KAZN: variants seen among roughly 807,000 people sequenced by gnomAD.
KAZN encodes the protein kazrin, periplakin interacting protein.
Under a neutral mutation model 87.4 loss-of-function variants are expected in KAZN, and 40 were observed. The observed-to-expected ratio is 0.46, with a 90% CI of 0.36 to 0.60. The LOEUF (loss-of-function observed/expected upper bound fraction) is 0.60. Among genes scored for constraint, KAZN ranks in the 20% least tolerant of loss-of-function variants. The pLI is 0.00. For missense variants in KAZN, 898 were observed against 1,073.9 expected (o/e 0.84, Z 2.29); for synonymous variants, 466 against 458.3 (o/e 1.02, Z -0.22).
At chr1:15,010,394 T>G (rs967135806) in intron 2 of KAZN, among the ~76,000 whole-genome samples, 6 of 146,206 alleles carry the variant, frequency 4.1e-5, no homozygotes, top group Non-Finnish European at 7.5e-5. Context: ...TGCTTTTTTT[T>G]TTTTTTTTTT....
intron 2 of KAZN, among the ~76,000 whole-genome samples, chr1:14,329,844 G>C (rs1656717606): frequency 6.6e-6 from 1 of 152,228 alleles, no homozygotes; most frequent in South Asian, 2.1e-4. Context: ...TGCTCAGTAA[G>C]TGTTGGTCCC....
At chr1:14,413,374 A>C (rs961329098) in intron 2 of KAZN, among the ~76,000 whole-genome samples, 30 of 151,898 alleles carry the variant, frequency 2.0e-4, no homozygotes, top group African/African-American at 6.8e-4. Flanking sequence ...GCGGATCACG[A>C]GGTCAGGAGA....
rs141789181 is a variant in KAZN at position 14,367,169 on chromosome 1, C to CA, written c.249+186578dup. On this transcript the variant is annotated intron_variant, in intron 2 of 16. Transcript: ENST00000636203. ...GCTTGAACACAGGAGGCGGAGGTTG[C>CA]AGTGAACTAAGATCACACCACTGCA... is the stretch of plus-strand genomic sequence containing the variant. Among the ~76,000 whole-genome samples the CA allele has an allele frequency of 7.1e-3, 1,086 of 152,274 alleles. 12 individuals are homozygous for CA. The highest frequency in any genetic ancestry group is 0.025 in the African/African-American group (1,042 of 41,546).
intron 2 of KAZN, among the ~76,000 whole-genome samples, chr1:14,283,289 G>T (rs1652991288): frequency 6.6e-6 from 1 of 152,094 alleles, no homozygotes; most frequent in Non-Finnish European, 1.5e-5. Context: ...CTGAACTCCT[G>T]CTTGTCACAG....
At chr1:14,008,741 A>G (rs1640147347) in intron 1 of KAZN, among the ~76,000 whole-genome samples, 2 of 152,164 alleles carry the variant, frequency 1.3e-5, no homozygotes, top group Non-Finnish European at 2.9e-5. Context: ...GTGCTATTCT[A>G]AGTGCTACAC....
intron 2 of KAZN, among the ~76,000 whole-genome samples, chr1:14,262,494 T>C (rs1473674272): frequency 1.3e-5 from 2 of 152,218 alleles, no homozygotes; most frequent in African/African-American, 2.4e-5. Flanking sequence ...CCACTTCACC[T>C]CTACTTACTT....
At chr1:14,597,960 T>C (rs1442327429), upstream of KAZN, among the ~76,000 whole-genome samples, 2 of 152,098 alleles carry the variant, frequency 1.3e-5, no homozygotes, top group African/African-American at 2.4e-5. Flanking sequence ...CTGCTCCCAG[T>C]AGAAGAAAGG....
chr1:13,958,631 AGATCAG>A (rs1641640430), intron 1 of KAZN, among the ~76,000 whole-genome samples: 3 of 152,002 alleles, frequency 2.0e-5, no homozygotes, highest in Admixed American at 6.6e-5. Context: ...TTTGAAGGGC[AGATCAG>A]GGAAGGCTTC....
intron 1 of KAZN, among the ~76,000 whole-genome samples, chr1:14,738,151 C>T (rs1158140304): frequency 6.6e-6 from 1 of 152,172 alleles, no homozygotes. Flanking sequence ...ATGCACCCAG[C>T]TCCATGTGAT....
At chr1:14,841,234 T>C (rs1261047054) in intron 1 of KAZN, among the ~76,000 whole-genome samples, 1 of 151,360 alleles carries the variant, frequency 6.6e-6, no homozygotes, top group Non-Finnish European at 1.5e-5. Flanking sequence ...TGAAACCCCG[T>C]CTCTACTAAA....
At chr1:14,822,168 C>T (rs1184986211) in intron 1 of KAZN, among the ~76,000 whole-genome samples, 6 of 152,192 alleles carry the variant, frequency 3.9e-5, no homozygotes, top group Non-Finnish European at 4.4e-5. Flanking sequence ...ACAAAGCTTT[C>T]GTCCCAGCCA....
At chr1:14,123,023 T>G (rs544672178) in intron 1 of KAZN, among the ~76,000 whole-genome samples, 1 of 152,322 alleles carries the variant, frequency 6.6e-6, no homozygotes, top group East Asian at 1.9e-4. Context: ...GAGATAATTT[T>G]AAAATCCAGA....
intron 1 of KAZN, among the ~76,000 whole-genome samples, chr1:14,752,785 G>A (rs1644448359): frequency 6.6e-6 from 1 of 152,106 alleles, no homozygotes; most frequent in African/African-American, 2.4e-5. Flanking sequence ...GCCAAAACCA[G>A]CGCTTAGTTT....
At chr1:15,092,411 G>A (rs1268143608) in intron 8 of KAZN, among the ~76,000 whole-genome samples, 1 of 151,958 alleles carries the variant, frequency 6.6e-6, no homozygotes, top group African/African-American at 2.4e-5. Context: ...TGTTTCTCAT[G>A]GTATTGAGTT....
chr1:13,923,893 G>GTAACTAT (rs1557723526), intron 1 of KAZN, among the ~76,000 whole-genome samples: 1 of 152,164 alleles, frequency 6.6e-6, no homozygotes, highest in Non-Finnish European at 1.5e-5. Flanking sequence ...TAAATCCTAG[G>GTAACTAT]ATTTGCTGAT....
At chr1:14,558,744 C>T (rs546942712) in intron 2 of KAZN, among the ~76,000 whole-genome samples, 5 of 152,212 alleles carry the variant, frequency 3.3e-5, no homozygotes, top group Admixed American at 2.6e-4. Flanking sequence ...GGCTTTGATC[C>T]GCAGTTGTCT....
intron 2 of KAZN, among the ~76,000 whole-genome samples, chr1:14,266,169 G>A (rs1651460169): frequency 6.6e-6 from 1 of 152,208 alleles, no homozygotes; most frequent in Admixed American, 6.5e-5. Flanking sequence ...ATAACTCTAT[G>A]TGTCTTTACC....
intron 2 of KAZN, among the ~76,000 whole-genome samples, chr1:14,505,629 G>A (rs1670541584): frequency 6.6e-6 from 1 of 152,168 alleles, no homozygotes; most frequent in Non-Finnish European, 1.5e-5. Flanking sequence ...TCCAGCAGGA[G>A]GGGAGAATGA....
chr1:14,310,347 A>C (rs902549765), intron 2 of KAZN, among the ~76,000 whole-genome samples: 8 of 152,202 alleles, frequency 5.3e-5, no homozygotes, highest in African/African-American at 1.9e-4. Context: ...GTATGGAGCC[A>C]CCAGAGGATT....
Sources: allele counts gnomAD v4.1 joint callset (sites outside exome capture counted in the v4.1 genomes callset), GRCh38; gene constraint gnomAD v4.1.1; transcripts MANE v1.5; gene names NCBI Gene and HGNC (gene_info 2026-07-23, HGNC 2026-07-21).